The following CTNNA2 variants were observed in gnomAD, a reference collection of about 807,000 sequenced individuals.
CTNNA2 encodes catenin alpha 2.
A neutral mutation model predicts 101.0 loss-of-function variants in CTNNA2; 42 were observed. The observed-to-expected ratio is 0.42, with a 90% CI of 0.32 to 0.54. The LOEUF (loss-of-function observed/expected upper bound fraction) is 0.54, where lower values mean the gene tolerates loss of function less well. CTNNA2 is among the 20% of genes least tolerant of loss of function. The probability of loss-of-function intolerance (pLI) is 0.14; values close to 1 mark genes in which losing one functional copy is unlikely to be tolerated. For missense variants in CTNNA2, 871 were observed against 1,223.1 expected, an observed-to-expected ratio of 0.71 and a Z score of 4.29; for synonymous variants, 450 against 456.4, an observed-to-expected ratio of 0.99 and a Z score of 0.18.
At chr2:79,584,948 G>T (rs1350500023) in intron 1 of CTNNA2, among the ~76,000 whole-genome samples, 1 of 152,180 alleles carries the variant, frequency 6.6e-6, no homozygotes, top group East Asian at 1.9e-4. Context: ...ATTTTATGGG[G>T]TTTATATGAA....
chr2:79,793,407 A>G (rs563809068), intron 3 of CTNNA2, among the ~76,000 whole-genome samples: 1 of 152,342 alleles, frequency 6.6e-6, no homozygotes, highest in Non-Finnish European at 1.5e-5. Context: ...AACTGAGGGT[A>G]CCTGAGCCAC....
At chr2:80,284,710 T>A (rs1674624902) in intron 7 of CTNNA2, among the ~76,000 whole-genome samples, 1 of 152,106 alleles carries the variant, frequency 6.6e-6, no homozygotes, top group African/African-American at 2.4e-5. Flanking sequence ...GGAAATGTCA[T>A]TTTCCTTTTC....
At chr2:80,479,388 A>G (rs926743387) in intron 9 of CTNNA2, among the ~76,000 whole-genome samples, 3 of 152,074 alleles carry the variant, frequency 2.0e-5, no homozygotes, top group Non-Finnish European at 4.4e-5. Context: ...TAAATATCCT[A>G]TAGTGCGCAG....
intron 7 of CTNNA2, among the ~76,000 whole-genome samples, chr2:80,038,112 C>A (rs962396559): frequency 6.6e-6 from 1 of 151,982 alleles, no homozygotes. Context: ...TTAAAAATTT[C>A]ATTTTGCACT....
intron 1 of CTNNA2, among the ~76,000 whole-genome samples, chr2:79,638,029 T>C (rs1558792360): frequency 6.6e-6 from 1 of 152,188 alleles, no homozygotes; most frequent in African/African-American, 2.4e-5. Context: ...ACACATGTTG[T>C]TACTCTCAGT....
At chr2:79,412,639 A>G (rs1234093447) in intron 4 of CTNNA2, among the ~76,000 whole-genome samples, 1 of 152,096 alleles carries the variant, frequency 6.6e-6, no homozygotes, top group Non-Finnish European at 1.5e-5. Context: ...CTGCTCCTGA[A>G]TGACTACTGG....
chr2:79,889,288 A>C (rs939714423), intron 6 of CTNNA2, among the ~76,000 whole-genome samples: 1 of 152,234 alleles, frequency 6.6e-6, no homozygotes, highest in Non-Finnish European at 1.5e-5. Context: ...GCAGAATATT[A>C]TGGAAACTTC....
intron 7 of CTNNA2, among the ~76,000 whole-genome samples, chr2:79,986,687 A>G (rs912713461): frequency 1.8e-4 from 27 of 152,216 alleles, no homozygotes; most frequent in African/African-American, 6.5e-4. Flanking sequence ...AGCATACACT[A>G]CTATTCCGTT....
chr2:80,023,938 T>A (rs1327550216), intron 7 of CTNNA2, among the ~76,000 whole-genome samples: 1 of 151,700 alleles, frequency 6.6e-6, no homozygotes, highest in African/African-American at 2.4e-5. Flanking sequence ...ATACAAAAAA[T>A]TAGCCGGGCG....
intron 7 of CTNNA2, among the ~76,000 whole-genome samples, chr2:79,946,823 G>T (rs140401267): frequency 1.1e-3 from 162 of 152,260 alleles, no homozygotes; most frequent in African/African-American, 3.8e-3. Context: ...GTCACTTTCA[G>T]GGTCAGCACA....
intron 3 of CTNNA2, among the ~76,000 whole-genome samples, chr2:79,781,661 A>C (rs768522212): frequency 6.6e-6 from 1 of 152,208 alleles, no homozygotes; most frequent in Non-Finnish European, 1.5e-5. Flanking sequence ...AAGCTATCTG[A>C]ACTGGAAGTA....
intron 4 of CTNNA2, among the ~76,000 whole-genome samples, chr2:79,492,684 C>A (rs977566277): frequency 6.6e-6 from 1 of 152,078 alleles, no homozygotes; most frequent in Non-Finnish European, 1.5e-5. Context: ...TTTTTACAAA[C>A]TCTCCCAAAA....
At chr2:80,072,854 C>T (rs1016289096) in intron 7 of CTNNA2, among the ~76,000 whole-genome samples, 10 of 152,040 alleles carry the variant, frequency 6.6e-5, no homozygotes, top group African/African-American at 2.2e-4. Flanking sequence ...AGCAGGAAAA[C>T]GAGGGGAAAA....
At chr2:79,426,314 A>G (rs1372847625) in intron 4 of CTNNA2, among the ~76,000 whole-genome samples, 1 of 152,156 alleles carries the variant, frequency 6.6e-6, no homozygotes, top group African/African-American at 2.4e-5. Context: ...AATTTTCAAC[A>G]TGACTATTTA....
At chr2:80,215,524 C>G (rs1293164953) in intron 7 of CTNNA2, among the ~76,000 whole-genome samples, 1 of 152,164 alleles carries the variant, frequency 6.6e-6, no homozygotes, top group East Asian at 1.9e-4. Flanking sequence ...TGCTGGAGGT[C>G]GACTCCAGAC....
At chr2:79,570,664 T>C (rs1045083199) in intron 1 of CTNNA2, among the ~76,000 whole-genome samples, 4 of 152,090 alleles carry the variant, frequency 2.6e-5, no homozygotes, top group African/African-American at 9.7e-5. Flanking sequence ...AACTATACTT[T>C]AGAATAACAT....
At chr2:80,568,566 C>CGCGCGTGTGT (rs375491630) in intron 12 of CTNNA2, among the ~76,000 whole-genome samples, 7 of 149,426 alleles carry the variant, frequency 4.7e-5, no homozygotes, top group African/African-American at 1.7e-4. Flanking sequence ...TAATGGTGTG[C>CGCGCGTGTGT]GTGTGTGTGT....
intron 6 of CTNNA2, among the ~76,000 whole-genome samples, chr2:79,878,035 C>T (rs983623663): frequency 6.6e-6 from 1 of 152,056 alleles, no homozygotes; most frequent in Non-Finnish European, 1.5e-5. Context: ...TCTCATTGTT[C>T]AACTCCCACT....
At chr2:80,124,920 C>T (rs1026678269) in intron 7 of CTNNA2, among the ~76,000 whole-genome samples, 5 of 152,080 alleles carry the variant, frequency 3.3e-5, no homozygotes, top group East Asian at 3.9e-4. Flanking sequence ...TTGGAAGGCA[C>T]ACGGAGGAGC....
Sources: allele counts gnomAD v4.1 joint callset (sites outside exome capture counted in the v4.1 genomes callset), GRCh38; gene constraint gnomAD v4.1.1; transcripts MANE v1.5; gene names NCBI Gene and HGNC (gene_info 2026-07-23, HGNC 2026-07-21).